The following PLXNA4 variants were observed in gnomAD, a reference collection of about 807,000 sequenced individuals.
PLXNA4 encodes the protein plexin A4, also known as plexin-A4.
In PLXNA4, 44 loss-of-function variants were observed where a neutral mutation model predicts 191.8. That is an observed-to-expected ratio of 0.23 (90% CI 0.18 to 0.29). The LOEUF (loss-of-function observed/expected upper bound fraction) is 0.29, where lower values mean the gene tolerates loss of function less well. Ranked by LOEUF, PLXNA4 falls within the 10% of genes least tolerant of loss-of-function variation. The probability of loss-of-function intolerance (pLI) is 1.00; values close to 1 mark genes in which losing one functional copy is unlikely to be tolerated. For missense variants in PLXNA4, 1,800 were observed against 2,488.8 expected (o/e 0.72, Z 5.89); for synonymous variants, 1,082 against 1,009.5 (o/e 1.07, Z -1.36).
intron 3 of PLXNA4, among the ~76,000 whole-genome samples, chr7:132,427,448 G>T (rs1328862741): frequency 3.3e-5 from 5 of 152,150 alleles, no homozygotes; most frequent in Non-Finnish European, 5.9e-5. Context: ...AGAGGGAAGA[G>T]AAATAACTAC....
chr7:132,243,364 T>C (rs1334247136), intron 4 of PLXNA4, among the ~76,000 whole-genome samples: 1 of 152,190 alleles, frequency 6.6e-6, no homozygotes, highest in Non-Finnish European at 1.5e-5. Context: ...ATTACCATCC[T>C]CCTCAGTTTC....
intron 3 of PLXNA4, among the ~76,000 whole-genome samples, chr7:132,447,982 G>T (rs992169931): frequency 5.3e-5 from 8 of 152,154 alleles, no homozygotes; most frequent in Admixed American, 5.2e-4. Context: ...CTGCACTCCA[G>T]CCTGGACAAC....
At chr7:132,382,496 C>T (rs992475823) in intron 3 of PLXNA4, among the ~76,000 whole-genome samples, 2 of 152,098 alleles carry the variant, frequency 1.3e-5, no homozygotes, top group Non-Finnish European at 2.9e-5. Context: ...ATGAGGTCCC[C>T]GTGGCAGGGA....
At chr7:132,438,163 T>G (rs932872013) in intron 3 of PLXNA4, among the ~76,000 whole-genome samples, 5 of 152,302 alleles carry the variant, frequency 3.3e-5, no homozygotes, top group African/African-American at 1.2e-4. Context: ...CAAAAGCATA[T>G]TTATAAATTG....
chr7:132,544,588 T>C (rs1800214832), intron 1 of PLXNA4, among the ~76,000 whole-genome samples: 1 of 151,834 alleles, frequency 6.6e-6, no homozygotes, highest in Non-Finnish European at 1.5e-5. Context: ...AGGTGATCCA[T>C]GGGGGCTTCT....
At chr7:132,446,081 C>G (rs1252547068) in intron 3 of PLXNA4, among the ~76,000 whole-genome samples, 1 of 152,186 alleles carries the variant, frequency 6.6e-6, no homozygotes, top group African/African-American at 2.4e-5. Context: ...AAGACTAAGA[C>G]AGCCAGGTGT....
chr7:132,586,617 G>A (rs550374919), intron 2 of PLXNA4, among the ~76,000 whole-genome samples: 13 of 152,280 alleles, frequency 8.5e-5, no homozygotes, highest in South Asian at 6.2e-4. Flanking sequence ...GCCGGGCATC[G>A]TGGTGGGCAC....
At chr7:132,274,978 G>C (rs765125516) in intron 4 of PLXNA4, among the ~76,000 whole-genome samples, 2 of 151,616 alleles carry the variant, frequency 1.3e-5, no homozygotes, top group African/African-American at 2.4e-5. Context: ...TTGATCATTT[G>C]GTTAAGATGG....
At chr7:132,454,297 A>G (rs1333381002) in intron 3 of PLXNA4, among the ~76,000 whole-genome samples, 1 of 152,204 alleles carries the variant, frequency 6.6e-6, no homozygotes, top group African/African-American at 2.4e-5. Flanking sequence ...GCCTCATCTC[A>G]AAGTTCTTGT....
At chr7:132,469,477 C>G (rs1351992434) in intron 3 of PLXNA4, among the ~76,000 whole-genome samples, 1 of 152,206 alleles carries the variant, frequency 6.6e-6, no homozygotes, top group Non-Finnish European at 1.5e-5. Flanking sequence ...CCAGCCTCAG[C>G]TGATGATTCA....
chr7:132,191,835 C>T (rs958425420), intron 14 of PLXNA4, among the ~76,000 whole-genome samples: 50 of 143,320 alleles, frequency 3.5e-4, no homozygotes, highest in Middle Eastern at 7.0e-3. Flanking sequence ...TATATATATA[C>T]ACACACACAC....
At chr7:132,533,385 C>T (rs1021615101) in intron 1 of PLXNA4, among the ~76,000 whole-genome samples, 1 of 152,048 alleles carries the variant, frequency 6.6e-6, no homozygotes, top group African/African-American at 2.4e-5. Context: ...GTGCAAGGCC[C>T]CCAACATGAA....
At chr7:132,572,405 T>C (rs909967921) in intron 1 of PLXNA4, among the ~76,000 whole-genome samples, 5 of 152,234 alleles carry the variant, frequency 3.3e-5, no homozygotes, top group African/African-American at 1.2e-4. Context: ...TTACAAGAAC[T>C]GAAGCCAGTA....
chr7:132,155,210 A>G (rs547510473), intron 25 of PLXNA4, among the ~76,000 whole-genome samples: 2 of 152,230 alleles, frequency 1.3e-5, no homozygotes, highest in South Asian at 4.2e-4. Context: ...CAGAGGGGAG[A>G]GGAAATGGGT....
intron 3 of PLXNA4, among the ~76,000 whole-genome samples, chr7:132,353,851 G>A (rs188438637): frequency 7.9e-5 from 12 of 152,272 alleles, no homozygotes; most frequent in African/African-American, 2.4e-4. Context: ...CCTGTTTTCT[G>A]CAAGGAAGGT....
intron 3 of PLXNA4, among the ~76,000 whole-genome samples, chr7:132,326,929 G>GGAGGGAAGAAAGGGAGA (rs1407576939): frequency 6.6e-6 from 1 of 151,218 alleles, no homozygotes; most frequent in Non-Finnish European, 1.5e-5. Flanking sequence ...AGGGAGGGAG[G>GGAGGGAAGAAAGGGAGA]GAGGGAAGAA....
intron 1 of PLXNA4, among the ~76,000 whole-genome samples, chr7:132,569,597 T>C (rs1801883484): frequency 6.6e-6 from 1 of 152,250 alleles, no homozygotes; most frequent in South Asian, 2.1e-4. Flanking sequence ...TTATAAACAA[T>C]AAACTGAAAC....
intron 3 of PLXNA4, among the ~76,000 whole-genome samples, chr7:132,429,246 G>T (rs909382009): frequency 2.6e-5 from 4 of 152,178 alleles, no homozygotes; most frequent in African/African-American, 9.7e-5. Context: ...CCATGTGCAG[G>T]CTCCTTAACT....
chr7:132,323,339 G>T (rs1802249536), intron 3 of PLXNA4, among the ~76,000 whole-genome samples: 1 of 152,238 alleles, frequency 6.6e-6, no homozygotes, highest in Non-Finnish European at 1.5e-5. Context: ...AGGCTACACA[G>T]TCCATTAGGT....
Sources: gnomAD v4.1 joint callset for allele counts (sites outside exome capture counted in the v4.1 genomes callset) on GRCh38, gnomAD v4.1.1 for gene constraint, MANE v1.5 for transcripts, NCBI Gene and HGNC (gene_info 2026-07-23, HGNC 2026-07-21) for gene names.